VIPR1: variants seen among roughly 807,000 people sequenced by gnomAD.
VIPR1 encodes vasoactive intestinal peptide receptor 1.
Under a neutral mutation model 58.8 loss-of-function variants are expected in VIPR1, and 59 were observed. The ratio of observed to expected loss-of-function variants is 1.00; its 90% confidence interval spans 0.81 to 1.25. The LOEUF is 1.25. Ranked by LOEUF, VIPR1 falls within the 50% of genes most tolerant of loss-of-function variation. The pLI is 0.00. For synonymous variants in VIPR1, 251 were observed against 242.1 expected (o/e 1.04, Z -0.34); for missense variants, 626 against 602.7 (o/e 1.04, Z -0.40).
At chr3:42,532,200 C>A in intron 9 of VIPR1, 42 bp from the exon 10 acceptor site, 1 of 1,596,614 alleles carries the variant, frequency 6.3e-7, no homozygotes, top group Non-Finnish European at 8.6e-7. Flanking sequence ...ACACCTCAGC[C>A]TTCCCGCTCT....
intron 1 of VIPR1, among the ~76,000 whole-genome samples, chr3:42,505,702 T>A (rs1470801949): frequency 6.6e-6 from 1 of 152,226 alleles, no homozygotes; most frequent in Non-Finnish European, 1.5e-5. Flanking sequence ...TTGTGGGACA[T>A]CCTTGGGGAG....
At chr3:42,531,322 C>G in intron 7 of VIPR1, 149 bp from the exon 8 acceptor site, 1 of 801,434 alleles carries the variant, frequency 1.2e-6, no homozygotes, top group South Asian at 1.7e-5. Context: ...CCGTGGTGAA[C>G]AACCTATGCA....
intron 3 of VIPR1, chr3:42,519,587 A>G (rs1484533826): frequency 8.0e-6 from 3 of 376,342 alleles, no homozygotes; most frequent in African/African-American, 2.1e-5. Flanking sequence ...ACTGACAGGT[A>G]CTTGATTAAA....
At chr3:42,534,725 A>C in intron 10 of VIPR1, 2 of 387,804 alleles carry the variant, frequency 5.2e-6, no homozygotes, top group Non-Finnish European at 9.4e-6. Flanking sequence ...AAGGGTGAGA[A>C]TAGAGGGGGT....
rs916113522 is a variant in VIPR1 at position 42,523,091 on chromosome 3, C to A, written c.293-2796C>A. On this transcript the variant is annotated intron_variant, in intron 3 of 12. Coordinates refer to ENST00000325123, the MANE Select transcript of VIPR1 (RefSeq NM_004624.4). ...TCACTGTTGCATGCCCTGACCCCGC[C>A]CCCAGTGGAGTGTCCTTCCCAGCAC... Among the ~76,000 whole-genome samples the A allele has an allele frequency of 4.6e-5, 7 of 151,768 alleles. 1 individual carries two copies. The highest frequency in any genetic ancestry group is 1.7e-4 in the African/African-American group (7 of 41,214).
At chr3:42,534,322 G>A (rs1701734174) in intron 10 of VIPR1, 1 of 152,332 alleles carries the variant, frequency 6.6e-6, no homozygotes, top group African/African-American at 2.4e-5. Flanking sequence ...CTGGGCATAT[G>A]TGGTCAGCAC....
chr3:42,514,523 A>G (rs887943699), intron 2 of VIPR1, among the ~76,000 whole-genome samples: 39 of 149,704 alleles, frequency 2.6e-4, no homozygotes, highest in African/African-American at 8.3e-4. Context: ...TGCTACATCC[A>G]GAGGACCGAT....
intron 10 of VIPR1, chr3:42,533,550 T>G (rs1208349341): frequency 6.6e-6 from 1 of 151,976 alleles, no homozygotes; most frequent in African/African-American, 2.4e-5. Flanking sequence ...GGCCTGAATC[T>G]GAGGCAAACA....
At chr3:42,504,537 AG>A (rs1412160030) in intron 1 of VIPR1, among the ~76,000 whole-genome samples, 3 of 151,894 alleles carry the variant, frequency 2.0e-5, no homozygotes, top group Admixed American at 2.0e-4. Context: ...CCATCCTATA[AG>A]GTCAGGGGCT....
rs1401907400 is a variant in VIPR1, at chr3:42,537,137, T to C, written c.*856T>C. On this transcript the variant is annotated 3_prime_UTR_variant, in exon 13 of 13. Transcript: ENST00000325123. ...AACAGGAATCAAGAGCTGCCCTCCT[T>C]GTCCACCCACCTATGTGCCAACTGT... 2 of 152,254 alleles carry C rather than the reference T, an allele frequency of 1.3e-5. No homozygotes were observed. The highest frequency in any genetic ancestry group is 4.8e-5 in the African/African-American group (2 of 41,464). 9.4% of individuals were successfully genotyped at this position (152,254 alleles called of 1,614,324 possible). A position where few individuals can be genotyped will look rare whatever the true frequency, so the allele number is the denominator to read the frequency against.
rs553642781 is a variant in VIPR1, at chr3:42,530,481, A to T, written c.637-298A>T. ...TGGGTGAGTGGGTAAATAAATGGAT[A>T]CATGGATAGGTGGGTAGATGATTGA... is the stretch of plus-strand genomic sequence containing the variant. On this transcript the variant is annotated intron_variant, in intron 6 of 12. Coordinates refer to ENST00000325123, the MANE Select transcript of VIPR1 (RefSeq NM_004624.4). The T allele has an allele frequency of 1.2e-5, 4 of 323,618 alleles. No individual in the cohort carries two copies. The South Asian group carries it at 2.3e-4, about 19-fold the overall frequency. 20.0% of individuals were successfully genotyped at this position (323,618 alleles called of 1,614,324 possible).
At chr3:42,530,703 C>T in intron 6 of VIPR1, 76 bp from the exon 7 acceptor site, 4 of 1,513,688 alleles carry the variant, frequency 2.6e-6, no homozygotes, top group Middle Eastern at 1.8e-4. Context: ...TGTGTTTGTC[C>T]CCCCAGACAC....
intron 10 of VIPR1, 192 bp downstream of exon 10, chr3:42,532,525 G>A (rs1003679680): frequency 3.1e-6 from 2 of 639,440 alleles, no homozygotes; most frequent in African/African-American, 3.6e-5. Context: ...TCACCAGGCT[G>A]CACTCAGAGC....
Position 42,536,933 on chromosome 3 carries a change from T to G in VIPR1, c.*652T>G, listed in dbSNP as rs779957211. 3 of 152,166 alleles carry G rather than the reference T, an allele frequency of 2.0e-5. No individual in the cohort carries two copies. The highest frequency in any genetic ancestry group is 4.4e-5 in the Non-Finnish European group (3 of 68,026). 9.4% of individuals were successfully genotyped at this position (152,166 alleles called of 1,614,324 possible). A position where few individuals can be genotyped will look rare whatever the true frequency, so the allele number is the denominator to read the frequency against. ...TGGACTGGCCCCTGGGTCAGTCTGG[T>G]GGGAGGACGGTGCAACCCAAGGACT... On this transcript the variant is annotated 3_prime_UTR_variant, in exon 13 of 13. Transcript: ENST00000325123.
upstream of VIPR1, among the ~76,000 whole-genome samples, chr3:42,498,701 G>A (rs1422093181): frequency 2.0e-5 from 3 of 152,138 alleles, no homozygotes; most frequent in Non-Finnish European, 2.9e-5. Flanking sequence ...TGCAGGTGTA[G>A]CACCAACAGA....
At chr3:42,523,233 C>T (rs897708171) in intron 3 of VIPR1, among the ~76,000 whole-genome samples, 2 of 152,272 alleles carry the variant, frequency 1.3e-5, no homozygotes, top group African/African-American at 4.8e-5. Context: ...TCTTGGGATC[C>T]CATGGTGACT....
At chr3:42,502,966 C>G (rs1258380146) in intron 1 of VIPR1, among the ~76,000 whole-genome samples, 153 bp downstream of exon 1, 1 of 152,214 alleles carries the variant, frequency 6.6e-6, no homozygotes, top group Non-Finnish European at 1.5e-5. Context: ...CCTCCCACCG[C>G]TCCAGACCGA....
rs528093305 is a variant in VIPR1 at position 42,527,444 on chromosome 3, G to A, written c.451G>A (p.Gly151Ser). ...SVKTGYTIGY[G>S]LSLATLLVAT... ...GAAGACCGGCTACACCATTGGCTACGGCCTGTCCCTCGCCACCCTTCTGGT... is the reference window on the plus strand; with the variant it reads ...GAAGACCGGCTACACCATTGGCTACAGCCTGTCCCTCGCCACCCTTCTGGT... The change falls in exon 5 of 13, where the codon GGC becomes AGC. Residue 151 changes from glycine (G) to serine (S), a missense_variant. Gly to Ser is a moderately conservative substitution (Grantham distance 56). Transcript: ENST00000325123. 40 of 1,613,814 alleles carry A rather than the reference G, an allele frequency of 2.5e-5. No individual in the cohort carries two copies. In the South Asian group the frequency reaches 4.2e-4, roughly 17 times the overall value.
At position 42,528,123 on chromosome 3, in the gene VIPR1, G is replaced by C. The variant is rs1220245035; in HGVS notation, c.636G>C (p.Ser212=). 1 of 1,613,006 alleles carries C rather than the reference G, an allele frequency of 6.2e-7. No individual in the cohort carries two copies. Among genetic ancestry groups the C allele is most frequent in the Non-Finnish European group, 8.5e-7 (1 of 1,179,712 alleles). The part of the protein sequence containing the change: ...SGESDQCSEG[S]VGCKAAMVFF... ...AGTCGGACCAGTGCTCCGAGGGCTC[G>C]GTGAGGATCCTGGCCCTGGCCCACC... The change falls in exon 6 of 13, where the codon TCG becomes TCC. Residue 212 remains serine, a splice_region_variant and synonymous_variant. Transcript: ENST00000325123.
Sources: gnomAD v4.1 joint callset for allele counts (sites outside exome capture counted in the v4.1 genomes callset) on GRCh38, gnomAD v4.1.1 for gene constraint, MANE v1.5 for transcripts, NCBI Gene and HGNC (gene_info 2026-07-23, HGNC 2026-07-21) for gene names.